Variants in ALMS1 observed in about 807,000 individuals in gnomAD.
ALMS1 encodes the protein ALMS1 centrosome and basal body associated protein, also known as centrosome-associated protein ALMS1.
A neutral mutation model predicts 352.2 loss-of-function variants in ALMS1; 271 were observed. The ratio of observed to expected loss-of-function variants is 0.77; its 90% CI spans 0.70 to 0.85. The LOEUF is 0.85. Ranked by LOEUF, ALMS1 falls within the 40% of genes least tolerant of loss-of-function variation. The pLI, the probability that ALMS1 is intolerant of heterozygous loss-of-function variation, is 0.00. For missense variants in ALMS1, 5,445 were observed against 4,870.7 expected (o/e 1.12, Z -3.51); for synonymous variants, 1,865 against 1,761.2 (o/e 1.06, Z -1.48).
At chr2:73,557,053 A>T (rs1026967248) in intron 13 of ALMS1, among the ~76,000 whole-genome samples, 167 bp from the exon 14 acceptor site, 1 of 152,028 alleles carries the variant, frequency 6.6e-6, no homozygotes, top group African/African-American at 2.4e-5. Flanking sequence ...AGTATGAAAA[A>T]TTTTTCAATT....
intron 12 of ALMS1, among the ~76,000 whole-genome samples, chr2:73,542,955 A>G (rs1487644128): frequency 6.6e-6 from 1 of 152,174 alleles, no homozygotes; most frequent in African/African-American, 2.4e-5. Context: ...TAATTTATAG[A>G]TTCAGTGCCA....
intron 9 of ALMS1, among the ~76,000 whole-genome samples, chr2:73,467,167 G>T (rs1210156805): frequency 1.3e-5 from 2 of 152,080 alleles, no homozygotes; most frequent in Non-Finnish European, 2.9e-5. Context: ...GTTAAGAATG[G>T]TAATCAAAAG....
intron 11 of ALMS1, among the ~76,000 whole-genome samples, chr2:73,521,729 G>A (rs997009723): frequency 5.3e-5 from 8 of 151,708 alleles, no homozygotes; most frequent in East Asian, 1.9e-4. Context: ...CAGCCTGGGC[G>A]ACACAGCGAG....
rs1481008006 is a variant in ALMS1, at chr2:73,419,131, A to ATT, written c.460_461insTT (p.Ser154PhefsTer25). 1.2e-6 allele frequency: 2 copies of ATT among 1,613,606 alleles called. No homozygotes were observed. Among genetic ancestry groups the ATT allele is most frequent in the Non-Finnish European group, 1.7e-6 (2 of 1,179,706 alleles). ...CTTTAACATTTTTCTAGAAAACAGA[A>ATT]TCTTGGCATTGTCTTCCTCAAGAAA... On this transcript the variant is annotated frameshift_variant, in exon 3 of 23. Coordinates refer to ENST00000613296, the MANE Select transcript of ALMS1 (RefSeq NM_001378454.1). LOFTEE classifies it high-confidence loss of function.
chr2:73,533,357 A>G (rs1415141357), intron 11 of ALMS1, among the ~76,000 whole-genome samples: 1 of 152,208 alleles, frequency 6.6e-6, no homozygotes, highest in East Asian at 1.9e-4. Flanking sequence ...GAAACCCTAA[A>G]TTACAGGTAA....
intron 15 of ALMS1, among the ~76,000 whole-genome samples, chr2:73,566,589 C>T (rs1674805414): frequency 6.6e-6 from 1 of 152,162 alleles, no homozygotes; most frequent in Admixed American, 6.5e-5. Context: ...TAAATGAAAC[C>T]TTAGAAAGCA....
intron 9 of ALMS1, among the ~76,000 whole-genome samples, chr2:73,475,960 G>C (rs989515927): frequency 7.2e-5 from 11 of 151,930 alleles, no homozygotes; most frequent in Non-Finnish European, 1.0e-4. Flanking sequence ...GTGGCGTTAA[G>C]TACATTCATA....
chr2:73,402,084 A>G (rs921296472), intron 1 of ALMS1, among the ~76,000 whole-genome samples: 2 of 151,410 alleles, frequency 1.3e-5, no homozygotes, highest in South Asian at 4.2e-4. Context: ...CTTGTAGTTT[A>G]TTCATTCATC....
At position 73,426,519 on chromosome 2, in the gene ALMS1, T is replaced by G. The variant is rs761938669; in HGVS notation, c.1304T>G (p.Val435Gly). Residue 435 changes from valine to glycine, a missense_variant, in exon 6 of 23, where the codon GTA becomes GGA. Val to Gly is a moderately radical substitution (Grantham distance 109). Coordinates refer to ENST00000613296, the MANE Select transcript of ALMS1 (RefSeq NM_001378454.1). ...GATGGCCTAAATGAAAATGCTGTTG[T>G]ATGCAGTGAAAGAGTTGCTGAACTA... ...TLDGLNENAV[V>G]CSERVAELQR... is the part of the protein sequence containing the mutation. 1 of 1,614,158 alleles carries G rather than the reference T, an allele frequency of 6.2e-7. No individual in the cohort carries two copies. The highest frequency in any genetic ancestry group is 8.5e-7 in the Non-Finnish European group (1 of 1,179,972).
intron 12 of ALMS1, among the ~76,000 whole-genome samples, chr2:73,538,119 C>T (rs1674071424): frequency 6.6e-6 from 1 of 152,126 alleles, no homozygotes; most frequent in Non-Finnish European, 1.5e-5. Context: ...GAAAAGGTGA[C>T]TCACAGCATA....
At position 73,572,023 on chromosome 2, in the gene ALMS1, C is replaced by A. The variant is rs6725385; in HGVS notation, c.10385-239C>A. 0.059 allele frequency among the ~76,000 whole-genome samples: 9,010 copies of A among 152,198 alleles called. 658 individuals are homozygous for A. The highest frequency in any genetic ancestry group is 0.16 in the African/African-American group (6,482 of 41,504). On this transcript the variant is annotated intron_variant, in intron 15 of 22. Coordinates refer to ENST00000613296, the MANE Select transcript of ALMS1 (RefSeq NM_001378454.1). ...AACTGAAGTGCCTTCCTCCAGGTCACGTAGCCGGTCAGTGGCAGAGCCCAG... is the reference window on the plus strand; with the variant it reads ...AACTGAAGTGCCTTCCTCCAGGTCAAGTAGCCGGTCAGTGGCAGAGCCCAG...
At chr2:73,514,911 G>C (rs1673525228) in intron 10 of ALMS1, among the ~76,000 whole-genome samples, 1 of 151,998 alleles carries the variant, frequency 6.6e-6, no homozygotes, top group Non-Finnish European at 1.5e-5. Flanking sequence ...GTTTGGCTTT[G>C]ATGCCCCAAG....
Position 73,563,650 on chromosome 2 carries a change from G to A in ALMS1, c.10384+4508G>A, listed in dbSNP as rs568908856. The stretch of plus-strand genomic sequence containing the variant: ...AGGCAGGAGAATGGCATGAACCTGG[G>A]CGGCAGAGCTTGCAGTGAGCCGAGA... On this transcript the variant is annotated intron_variant, in intron 15 of 22. Transcript: ENST00000613296. 2.9e-4 allele frequency among the ~76,000 whole-genome samples: 42 copies of A among 146,880 alleles called. 2 individuals carry two copies. The South Asian group carries it at 9.0e-3, about 31-fold the overall frequency.
Position 73,572,878 on chromosome 2 carries a change from AC to A in ALMS1, c.11002del (p.Gln3668SerfsTer15). On this transcript the variant is annotated frameshift_variant, in exon 16 of 23. Transcript: ENST00000613296. LOFTEE classifies it high-confidence loss of function. Reference sequence around the variant, plus strand: ...GTGTGAAGGAATGGAGTGGTAGACAACAGCAGAGAAATAAGCTTCAGAAAAA... The same window carrying A: ...GTGTGAAGGAATGGAGTGGTAGACAAAGCAGAGAAATAAGCTTCAGAAAAA... ...RSVKEWSGRQQQRNKLQKKKR... is the reference protein window; with the variant it reads ...RSVKEWSGRQXQRNKLQKKKR... The A allele has an allele frequency of 6.2e-7, 1 of 1,614,176 alleles. No homozygotes were observed. Among genetic ancestry groups the A allele is most frequent in the Non-Finnish European group, 8.5e-7 (1 of 1,180,020 alleles).
chr2:73,564,056 CTG>C (rs1277521047), intron 15 of ALMS1, among the ~76,000 whole-genome samples: 3 of 151,014 alleles, frequency 2.0e-5, no homozygotes, highest in Non-Finnish European at 4.4e-5. Flanking sequence ...GTGTGTGTGT[CTG>C]TGTGTGTGCA....
chr2:73,490,113 A>G lies in ALMS1; in HGVS notation c.8154A>G (p.Ser2718=). 1 of 1,614,156 alleles carries G rather than the reference A, an allele frequency of 6.2e-7. No individual in the cohort carries two copies. Among genetic ancestry groups the G allele is most frequent in the Non-Finnish European group, 8.5e-7 (1 of 1,180,034 alleles). ...AGTTTACTACCTCCATCACTTTTTCATCTCACCGACATTCTAAATGCATTT... is the reference window on the plus strand; with the variant it reads ...AGTTTACTACCTCCATCACTTTTTCGTCTCACCGACATTCTAAATGCATTT... The part of the protein sequence containing the change: ...MKKFTTSITF[S]SHRHSKCISN... Residue 2718 remains serine (S), a synonymous_variant, in exon 10 of 23, where the codon TCA becomes TCG. Coordinates refer to ENST00000613296, the MANE Select transcript of ALMS1 (RefSeq NM_001378454.1).
chr2:73,503,951 A>G (rs958975961), intron 10 of ALMS1, among the ~76,000 whole-genome samples: 7 of 152,176 alleles, frequency 4.6e-5, no homozygotes, highest in Admixed American at 6.5e-5. Context: ...TTATGTAAAC[A>G]TCTTATTCAT....
rs1305257671 is a variant in ALMS1 at position 73,557,233 on chromosome 2, A to G, written c.10092A>G (p.Gln3364=). 1.2e-6 allele frequency: 2 copies of G among 1,614,106 alleles called. No individual in the cohort carries two copies. The highest frequency in any genetic ancestry group is 1.7e-6 in the Non-Finnish European group (2 of 1,180,004). Reference sequence around the variant, plus strand: ...TCGTTATTCCAGATGCCTCAGTTCAAGTGCTAATCACTGGGGATGAGAACC... The same window carrying G: ...TCGTTATTCCAGATGCCTCAGTTCAGGTGCTAATCACTGGGGATGAGAACC... ...LQNENADASV[Q]VLITGDENLS... The change falls in exon 14 of 23, where the codon CAA becomes CAG. Residue 3364 remains glutamine, a synonymous_variant. Coordinates refer to ENST00000613296, the MANE Select transcript of ALMS1 (RefSeq NM_001378454.1).
At chr2:73,532,059 G>A (rs1344248195) in intron 11 of ALMS1, among the ~76,000 whole-genome samples, 2 of 152,230 alleles carry the variant, frequency 1.3e-5, no homozygotes, top group Non-Finnish European at 2.9e-5. Context: ...TGGATTACCA[G>A]GTAGAGACTC....
Sources: gnomAD v4.1 joint callset for allele counts (sites outside exome capture counted in the v4.1 genomes callset) on GRCh38, gnomAD v4.1.1 for gene constraint, MANE v1.5 for transcripts, NCBI Gene and HGNC (gene_info 2026-07-23, HGNC 2026-07-21) for gene names.